The following TMEM145 variants were observed in gnomAD, a reference collection of about 807,000 sequenced individuals.
TMEM145 encodes transmembrane protein 145.
TMEM145 carries 46 observed loss-of-function variants against 68.5 expected under a neutral mutation model. That is an observed-to-expected ratio of 0.67 (90% CI 0.53 to 0.86). The LOEUF (loss-of-function observed/expected upper bound fraction) is 0.86, where lower values mean the gene tolerates loss of function less well. TMEM145 is among the 40% of genes least tolerant of loss of function. TMEM145 has a pLI of 0.00. For synonymous variants in TMEM145, 255 were observed against 280.2 expected (o/e 0.91, Z 0.90); for missense variants, 570 against 645.8 (o/e 0.88, Z 1.27).
chr19:42,324,301 AGCGGTGGCGGCG>A (rs2038946291), intron 14 of TMEM145: 2 of 985,044 alleles, frequency 2.0e-6, no homozygotes, highest in African/African-American at 3.5e-5. Flanking sequence ...TGGAGGAGAC[AGCGGTGGCGGCG>A]GCGGTGGCCC....
Position 42,313,999 on chromosome 19 carries a change from G to A in TMEM145, c.121-273G>A, listed in dbSNP as rs980668147. Among the ~76,000 whole-genome samples the A allele has an allele frequency of 2.6e-5, 4 of 151,932 alleles. No individual in the cohort carries two copies. Among genetic ancestry groups the A allele is most frequent in the African/African-American group, 9.7e-5 (4 of 41,336 alleles). ...CCAGGATGAGCATCTGGCCCCTAAG[G>A]TCTTTCTCCCCAGAAAGATCCCGGG... On this transcript the variant is annotated intron_variant, in intron 1 of 14. Transcript: ENST00000301204. The surrounding 1 kb of genome is among the most constrained non-coding windows in gnomAD (Gnocchi z 5.1).
chr19:42,317,469 A>G (rs1219684858), intron 11 of TMEM145, among the ~76,000 whole-genome samples: 1 of 152,210 alleles, frequency 6.6e-6, no homozygotes, highest in African/African-American at 2.4e-5. Flanking sequence ...ATGCTGATGG[A>G]AAAACTCACA....
At position 42,317,690 on chromosome 19, in the gene TMEM145, C is replaced by A; in HGVS notation, c.901-19C>A. On this transcript the variant is annotated intron_variant, in intron 11 of 14. Coordinates refer to ENST00000301204, the MANE Select transcript of TMEM145 (RefSeq NM_173633.3). The stretch of plus-strand genomic sequence containing the variant: ...GGGGAGGAGGCCAGGCTGTGATGGA[C>A]CCTCTCCTGCGGGTCTAGTTCTTTG... 6.2e-7 allele frequency: 1 copy of A among 1,613,550 alleles called. No homozygotes were observed. The highest frequency in any genetic ancestry group is 8.5e-7 in the Non-Finnish European group (1 of 1,179,620).
chr19:42,323,176 A>T (rs1178047406), intron 13 of TMEM145, among the ~76,000 whole-genome samples: 1 of 152,226 alleles, frequency 6.6e-6, no homozygotes, highest in Non-Finnish European at 1.5e-5. Context: ...TGCACTTTCC[A>T]ATATGGGAGC....
chr19:42,324,650 G>GC, intron 14 of TMEM145, 87 bp from the exon 15 acceptor site: 2 of 862,134 alleles, frequency 2.3e-6, no homozygotes, highest in South Asian at 7.7e-5. Flanking sequence ...CACCCCGCGC[G>GC]CCCAGGTTGG....
At chr19:42,318,115 C>G (rs550102182) in intron 12 of TMEM145, among the ~76,000 whole-genome samples, 1 of 152,264 alleles carries the variant, frequency 6.6e-6, no homozygotes, top group African/African-American at 2.4e-5. Flanking sequence ...CGCCTGTAAT[C>G]CCAGCCCTTT....
intron 14 of TMEM145, chr19:42,324,153 C>A (rs2038943239): frequency 2.7e-6 from 2 of 736,442 alleles, no homozygotes; most frequent in Non-Finnish European, 3.3e-6. Context: ...CCAGTCCTTC[C>A]CTGACTGACA....
At chr19:42,324,476 A>G in intron 14 of TMEM145, 2 of 985,202 alleles carry the variant, frequency 2.0e-6, no homozygotes, top group Non-Finnish European at 2.4e-6. Flanking sequence ...CACCGGCTTC[A>G]CCGAATACTT....
intron 13 of TMEM145, among the ~76,000 whole-genome samples, chr19:42,322,101 C>T (rs1387210158): frequency 1.3e-5 from 2 of 152,156 alleles, no homozygotes; most frequent in Non-Finnish European, 2.9e-5. Flanking sequence ...ACAACGTACC[C>T]CGTGTAGGGA....
At chr19:42,321,312 C>T (rs1483642370) in intron 13 of TMEM145, 4 of 393,698 alleles carry the variant, frequency 1.0e-5, no homozygotes, top group Admixed American at 4.4e-5. Context: ...GCAACCTCCA[C>T]CTCCCAGGTT....
At chr19:42,320,627 T>C (rs535357028) in intron 13 of TMEM145, among the ~76,000 whole-genome samples, 190 bp downstream of exon 13, 1 of 152,078 alleles carries the variant, frequency 6.6e-6, no homozygotes, top group South Asian at 2.1e-4. Flanking sequence ...GAGTCCATTT[T>C]CTTCTCTTTT....
At chr19:42,318,884 C>A (rs946182031) in intron 12 of TMEM145, among the ~76,000 whole-genome samples, 1 of 152,034 alleles carries the variant, frequency 6.6e-6, no homozygotes, top group Non-Finnish European at 1.5e-5. Flanking sequence ...GAGTTCAAGA[C>A]CAGCCTGGCC....
At chr19:42,318,973 A>G (rs2038886719) in intron 12 of TMEM145, among the ~76,000 whole-genome samples, 1 of 152,020 alleles carries the variant, frequency 6.6e-6, no homozygotes, top group Non-Finnish European at 1.5e-5. Context: ...ACTGCCAGTT[A>G]CTCGGGAAGC....
At position 42,317,866 on chromosome 19, in the gene TMEM145, C is replaced by A. The variant is rs1350904263; in HGVS notation, c.1058C>A (p.Ala353Asp). The change falls in exon 12 of 15, where the codon GCT (alanine) becomes GAT (aspartate). Residue 353 changes from alanine to aspartate, a missense_variant. Transcript: ENST00000301204. ...CAGCCTTTTTATGTGCCCTTCTTTG[C>A]TGCCTATACCCTCTGGTGAGAATTG... Reference protein sequence around the residue: ...EKQPFYVPFFAAYTLWFFAVP... With the variant: ...EKQPFYVPFFDAYTLWFFAVP... 2 of 1,614,146 alleles carry A rather than the reference C, an allele frequency of 1.2e-6. No individual in the cohort carries two copies. Among genetic ancestry groups the A allele is most frequent in the Non-Finnish European group, 8.5e-7 (1 of 1,180,030 alleles).
intron 2 of TMEM145, 39 bp from the exon 3 acceptor site, chr19:42,314,412 C>G: frequency 6.2e-7 from 1 of 1,613,886 alleles, no homozygotes; most frequent in Non-Finnish European, 8.5e-7. Context: ...AAGGCACAGG[C>G]TGCCCCAGCT....
chr19:42,314,721 G>C, intron 4 of TMEM145, 22 bp downstream of exon 4: 5 of 1,614,202 alleles, frequency 3.1e-6, no homozygotes, highest in Non-Finnish European at 4.2e-6. Context: ...GCCTGGGGGA[G>C]TGGGCAGGTG....
At chr19:42,314,953 C>T in intron 5 of TMEM145, 40 bp from the exon 6 acceptor site, 1 of 1,613,742 alleles carries the variant, frequency 6.2e-7, no homozygotes, top group Non-Finnish European at 8.5e-7. Flanking sequence ...CAACCCCCAA[C>T]TTGCCCAGGG....
At chr19:42,316,408 A>T (rs2038857958) in intron 8 of TMEM145, 73 bp from the exon 9 acceptor site, 4 of 1,415,166 alleles carry the variant, frequency 2.8e-6, no homozygotes, top group Non-Finnish European at 4.0e-6. Context: ...GACTGCCTGG[A>T]TGGTAGTGCT....
Position 42,324,917 on chromosome 19 carries a change from G to T in TMEM145, c.*100G>T. On this transcript the variant is annotated 3_prime_UTR_variant, in exon 15 of 15. Transcript: ENST00000301204. ...GGATGGATATTGCGATGCTGGTCTC[G>T]ACCCTGAAACCCTCCCTCGGATCTG... is the stretch of plus-strand genomic sequence containing the variant. The T allele has an allele frequency of 7.5e-7, 1 of 1,339,514 alleles. No homozygotes were observed. The highest frequency in any genetic ancestry group is 9.6e-7 in the Non-Finnish European group (1 of 1,046,530). 83.0% of individuals were successfully genotyped at this position (1,339,514 alleles called of 1,614,324 possible).
Sources: allele counts gnomAD v4.1 joint callset (sites outside exome capture counted in the v4.1 genomes callset), GRCh38; gene constraint gnomAD v4.1.1; non-coding constraint Gnocchi (gnomAD v3.1); transcripts MANE v1.5; gene names NCBI Gene and HGNC (gene_info 2026-07-23, HGNC 2026-07-21).